WASF3: variants seen among roughly 807,000 people sequenced by gnomAD.
The protein encoded by WASF3 is WASP family member 3.
WASF3 carries 11 observed loss-of-function variants against 46.6 expected under a neutral mutation model. The observed-to-expected ratio is 0.24, with a 90% CI of 0.15 to 0.39. WASF3 has a LOEUF of 0.39. Ranked by LOEUF, WASF3 falls within the 10% of genes least tolerant of loss-of-function variation. The pLI is 1.00. For synonymous variants in WASF3, 242 were observed against 259.7 expected (o/e 0.93, Z 0.65); for missense variants, 576 against 669.8 (o/e 0.86, Z 1.55).
intron 1 of WASF3, among the ~76,000 whole-genome samples, chr13:26,583,612 A>G (rs1248587494): frequency 1.3e-5 from 2 of 152,160 alleles, no homozygotes; most frequent in African/African-American, 2.4e-5. Flanking sequence ...TGATTATATT[A>G]CTTGTTATTT....
intron 9 of WASF3, among the ~76,000 whole-genome samples, chr13:26,685,231 T>C (rs951128786): frequency 6.6e-6 from 1 of 152,236 alleles, no homozygotes; most frequent in African/African-American, 2.4e-5. Context: ...TTGGGTTAGC[T>C]GAGAGTGAGT....
At position 26,682,941 on chromosome 13, in the gene WASF3, G is replaced by T; in HGVS notation, c.1318G>T (p.Ala440Ser). The stretch of plus-strand genomic sequence containing the variant: ...GCCTGCACAGCCACCAATCAGTGAT[G>T]CTCGAAGCGACCTCCTCGCTGCTAT... ...QEPAQPPISDARSDLLAAIRM... is the reference protein window; with the variant it reads ...QEPAQPPISDSRSDLLAAIRM... Residue 440 changes from alanine (A) to serine (S), a missense_variant, in exon 9 of 10, where the codon GCT (alanine) becomes TCT (serine). Ala to Ser is a moderately conservative substitution (Grantham distance 99, BLOSUM62 1). This residue lies in a region of WASF3 where 68 missense variants were observed against 100.3 expected (regional missense o/e 0.68). Transcript: ENST00000335327. This position sits in a 1 kb window ranked among gnomAD's most constrained non-coding sequence, Gnocchi z 4.4. 1 of 1,608,216 alleles carries T rather than the reference G, an allele frequency of 6.2e-7. No individual in the cohort carries two copies.
intron 1 of WASF3, among the ~76,000 whole-genome samples, chr13:26,561,871 C>T (rs1367731531): frequency 1.3e-5 from 2 of 152,050 alleles, no homozygotes; most frequent in African/African-American, 4.8e-5. Flanking sequence ...CAGTCTGACT[C>T]CAAGGTTTGA....
chr13:26,554,086 T>C (rs1234103141), upstream of WASF3, among the ~76,000 whole-genome samples: 392 of 117,328 alleles, frequency 3.3e-3, 8 homozygotes, highest in African/African-American at 0.014. Context: ...CTTCCTTCCT[T>C]CCTTCCTTCC....
chr13:26,586,194 A>G (rs1159851642), intron 1 of WASF3, among the ~76,000 whole-genome samples: 1 of 152,128 alleles, frequency 6.6e-6, no homozygotes, highest in African/African-American at 2.4e-5. Flanking sequence ...TTTTTCAATA[A>G]TATTTTGAAA....
intron 1 of WASF3, among the ~76,000 whole-genome samples, chr13:26,570,325 A>C (rs1879598322): frequency 6.6e-6 from 1 of 152,152 alleles, no homozygotes; most frequent in Non-Finnish European, 1.5e-5. Flanking sequence ...CATTTGTTTT[A>C]GGGTCCTTGT....
intron 2 of WASF3, among the ~76,000 whole-genome samples, chr13:26,633,042 G>T (rs1218344689): frequency 6.6e-6 from 1 of 151,810 alleles, no homozygotes; most frequent in Admixed American, 6.6e-5. Context: ...TTTTTATTGT[G>T]TCTATTTGAT....
intron 3 of WASF3, among the ~76,000 whole-genome samples, chr13:26,661,813 T>C (rs1327733219): frequency 6.6e-6 from 1 of 152,106 alleles, no homozygotes; most frequent in Non-Finnish European, 1.5e-5. Context: ...TCCTAATGGG[T>C]ATGAGAGGTG....
At chr13:26,546,362 T>A in the WASF3 span, among the ~76,000 whole-genome samples, 142,320 of 151,592 alleles carry the variant, frequency 0.94, 66,561 homozygotes, top group East Asian at 1. Context: ...TCTTTTACAA[T>A]TATATTGCTT....
intron 1 of WASF3, among the ~76,000 whole-genome samples, chr13:26,588,889 C>G (rs955575903): frequency 4.6e-5 from 7 of 152,154 alleles, no homozygotes; most frequent in African/African-American, 1.7e-4. Flanking sequence ...CCTTGACCTC[C>G]TGGGCTCAAG....
At chr13:26,671,020 C>T (rs945327997) in intron 5 of WASF3, among the ~76,000 whole-genome samples, 1 of 152,184 alleles carries the variant, frequency 6.6e-6, no homozygotes, top group African/African-American at 2.4e-5. Flanking sequence ...CCCTGTGTTC[C>T]TTAATGACTC....
intron 3 of WASF3, among the ~76,000 whole-genome samples, chr13:26,648,045 G>A (rs1368017221): frequency 6.6e-6 from 1 of 151,994 alleles, no homozygotes; most frequent in African/African-American, 2.4e-5. Flanking sequence ...ACTAATGTTG[G>A]ACATATAGTT....
intron 2 of WASF3, among the ~76,000 whole-genome samples, chr13:26,623,440 T>A (rs1009607224): frequency 5.9e-5 from 9 of 152,300 alleles, no homozygotes; most frequent in African/African-American, 1.9e-4. Context: ...GGCAGAGGTT[T>A]AGGAAACCCT....
At chr13:26,634,580 A>C (rs1156961681) in intron 2 of WASF3, among the ~76,000 whole-genome samples, 14 of 152,282 alleles carry the variant, frequency 9.2e-5, no homozygotes, top group African/African-American at 3.4e-4. Context: ...TATTCATAGC[A>C]TCGATGGTCT....
intron 3 of WASF3, among the ~76,000 whole-genome samples, chr13:26,646,697 A>G (rs1244478432): frequency 6.6e-6 from 1 of 152,100 alleles, no homozygotes; most frequent in African/African-American, 2.4e-5. Flanking sequence ...CAACTTAGGG[A>G]TTTGCCTTGA....
rs76289594 is a variant in WASF3, at chr13:26,685,238, G to A, written c.1352-450G>A. Among the ~76,000 whole-genome samples the A allele has an allele frequency of 6.3e-3, 954 of 152,334 alleles. 9 individuals carry two copies. Among genetic ancestry groups the A allele is most frequent in the African/African-American group, 0.021 (873 of 41,570 alleles). ...GTTACTTCTTGGGTTAGCTGAGAGT[G>A]AGTAGCATAGAACACTGTTTCCAAG... On this transcript the variant is annotated intron_variant, in intron 9 of 9. Coordinates refer to ENST00000335327, the MANE Select transcript of WASF3 (RefSeq NM_006646.6).
intron 5 of WASF3, among the ~76,000 whole-genome samples, chr13:26,670,082 A>C (rs1159253605): frequency 6.6e-6 from 1 of 152,202 alleles, no homozygotes; most frequent in Non-Finnish European, 1.5e-5. Context: ...CACTATTCGC[A>C]ATAGCAAATA....
intron 1 of WASF3, among the ~76,000 whole-genome samples, chr13:26,582,141 A>G (rs530934319): frequency 1.3e-5 from 2 of 152,316 alleles, no homozygotes; most frequent in African/African-American, 2.4e-5. Flanking sequence ...TGCTTTCTGA[A>G]CAAAGTAGGT....
At chr13:26,644,983 G>A (rs141228018) in intron 3 of WASF3, among the ~76,000 whole-genome samples, 344 of 152,314 alleles carry the variant, frequency 2.3e-3, no homozygotes, top group African/African-American at 7.1e-3. Flanking sequence ...GGTTCGTTGA[G>A]TGCATCTGGG....
Sources: gnomAD v4.1 joint callset for allele counts (sites outside exome capture counted in the v4.1 genomes callset) on GRCh38, gnomAD v4.1.1 for gene constraint, gnomAD v4.1.1 regional missense constraint, Gnocchi (gnomAD v3.1) non-coding constraint, MANE v1.5 for transcripts, NCBI Gene and HGNC (gene_info 2026-07-23, HGNC 2026-07-21) for gene names.